The following SORBS2 variants were observed in gnomAD, a reference collection of about 807,000 sequenced individuals.
The protein encoded by SORBS2 is sorbin and SH3 domain containing 2, also known as sorbin and SH3 domain-containing protein 2.
Under a neutral mutation model 97.7 loss-of-function variants are expected in SORBS2, and 46 were observed. The ratio of observed to expected loss-of-function variants is 0.47; its 90% CI spans 0.37 to 0.60. The LOEUF is 0.60. SORBS2 is among the 20% of genes least tolerant of loss of function. The pLI is 0.00. For missense variants in SORBS2, 1,316 were observed against 1,282.3 expected (o/e 1.03, Z -0.40); for synonymous variants, 476 against 473.4 (o/e 1.01, Z -0.07).
At chr4:185,862,764 C>T (rs2648121) in intron 1 of SORBS2, among the ~76,000 whole-genome samples, 112,094 of 152,176 alleles carry the variant, frequency 0.74, 41,500 homozygotes, top group African/African-American at 0.81. Flanking sequence ...TCTTCCTCTG[C>T]CCTTCAACCT....
intron 1 of SORBS2, among the ~76,000 whole-genome samples, chr4:185,830,994 T>G (rs73017895): frequency 1.3e-5 from 2 of 152,194 alleles, no homozygotes; most frequent in Non-Finnish European, 2.9e-5. Context: ...CTGCTCTTTA[T>G]AACTCTTCCT....
chr4:185,661,997 T>C (rs1042143772), intron 5 of SORBS2, 107 bp downstream of exon 8: 16 of 1,247,816 alleles, frequency 1.3e-5, no homozygotes, highest in Admixed American at 1.0e-4. Flanking sequence ...GATAGGGTCA[T>C]GAGTGCTGAG....
chr4:185,603,137 G>A (rs2096306797), intron 12 of SORBS2, among the ~76,000 whole-genome samples: 1 of 152,082 alleles, frequency 6.6e-6, no homozygotes, highest in Non-Finnish European at 1.5e-5. Flanking sequence ...TTAAATCCTG[G>A]CTTTGTCCTG....
intron 2 of SORBS2, among the ~76,000 whole-genome samples, chr4:185,651,215 C>T (rs922887972): frequency 6.6e-6 from 1 of 152,134 alleles, no homozygotes; most frequent in Admixed American, 6.5e-5. Flanking sequence ...GCCTGCAGAC[C>T]CCTGCACGAG....
intron 4 of SORBS2, among the ~76,000 whole-genome samples, chr4:185,664,252 T>C (rs534978314): frequency 6.6e-6 from 1 of 152,300 alleles, no homozygotes; most frequent in East Asian, 1.9e-4. Context: ...AGTGAATTCA[T>C]TATTAGGAAA....
At chr4:185,763,601 T>C (rs1046589404) in intron 2 of SORBS2, among the ~76,000 whole-genome samples, 1 of 152,258 alleles carries the variant, frequency 6.6e-6, no homozygotes, top group African/African-American at 2.4e-5. Flanking sequence ...ATCTGTCTTA[T>C]GTCAATTTAA....
chr4:185,642,538 T>C (rs1045075076), intron 4 of SORBS2, among the ~76,000 whole-genome samples: 14 of 152,198 alleles, frequency 9.2e-5, no homozygotes, highest in African/African-American at 3.4e-4. Flanking sequence ...GAAATACGGT[T>C]CTGATTTGTG....
At chr4:185,598,091 A>C (rs1373430504) in intron 12 of SORBS2, among the ~76,000 whole-genome samples, 3 of 152,158 alleles carry the variant, frequency 2.0e-5, no homozygotes, top group Non-Finnish European at 4.4e-5. Flanking sequence ...AACAATATAC[A>C]CTTGTGACAT....
Position 185,587,336 on chromosome 4 carries a change from AC to A in SORBS2, c.*290del, listed in dbSNP as rs376263897. On this transcript the variant is annotated 3_prime_UTR_variant, in exon 15 of 15. Transcript: ENST00000418609. Reference sequence around the variant, plus strand: ...TTTTTTTTTTTGCCTCAAATATTTGACCATTTTTAAATATCATGATTTTTTT... The same window carrying A: ...TTTTTTTTTTTGCCTCAAATATTTGACATTTTTAAATATCATGATTTTTTT... 509 of 259,158 alleles carry A rather than the reference AC, an allele frequency of 2.0e-3. 3 individuals are homozygous for A. Among genetic ancestry groups the A allele is most frequent in the African/African-American group, 0.012 (484 of 40,918 alleles). The allele number at this position is 259,158 out of a possible 1,614,324, so 16.1% of individuals were successfully genotyped here.
chr4:185,748,909 G>A (rs1282630507), intron 2 of SORBS2, among the ~76,000 whole-genome samples: 7 of 152,320 alleles, frequency 4.6e-5, no homozygotes, highest in Middle Eastern at 3.4e-3. Context: ...CTGAGAATGA[G>A]GGGCCCCATT....
chr4:185,922,967 T>A (rs1266637238), intron 1 of SORBS2, among the ~76,000 whole-genome samples: 2 of 152,238 alleles, frequency 1.3e-5, no homozygotes, highest in Non-Finnish European at 2.9e-5. Flanking sequence ...TCAAGTTAGA[T>A]ACAAACCCTG....
Position 185,666,044 on chromosome 4 carries a change from G to A in SORBS2, c.-45-3802C>T, listed in dbSNP as rs1172623451. On this transcript the variant is annotated intron_variant, in intron 4 of 20. Transcript: ENST00000284776. Reference sequence around the variant, plus strand: ...GACCCCACACCATCGGGGGGCGGAAGGCTGAGTGATGCTGAGCTGGTGCCA... The same window carrying A: ...GACCCCACACCATCGGGGGGCGGAAAGCTGAGTGATGCTGAGCTGGTGCCA... 2.3e-6 allele frequency: 3 copies of A among 1,289,762 alleles called. No individual in the cohort carries two copies. In the Admixed American group the frequency reaches 6.9e-5, roughly 30 times the overall value. 79.9% of individuals were successfully genotyped at this position (1,289,762 alleles called of 1,614,324 possible).
chr4:185,822,041 TGA>T (rs1216792461), intron 1 of SORBS2, among the ~76,000 whole-genome samples: 1 of 152,252 alleles, frequency 6.6e-6, no homozygotes, highest in African/African-American at 2.4e-5. Flanking sequence ...TGTTATTTTT[TGA>T]GTCTTATTAT....
chr4:185,768,712 C>CAAAAAAAAAAAAAA (rs72088117), intron 2 of SORBS2, among the ~76,000 whole-genome samples: 1 of 116,804 alleles, frequency 8.6e-6, no homozygotes, highest in African/African-American at 3.3e-5. Flanking sequence ...AAAAAAAAAA[C>CAAAAAAAAAAAAAA]AAAAAAACAA....
At chr4:185,712,826 G>A (rs137893823) in intron 2 of SORBS2, among the ~76,000 whole-genome samples, 7 of 152,258 alleles carry the variant, frequency 4.6e-5, no homozygotes, top group African/African-American at 1.4e-4. Flanking sequence ...CACCCCCCTC[G>A]CAAGTGCCGT....
intron 12 of SORBS2, 197 bp from the exon 25 acceptor site, chr4:185,594,132 A>G (rs967284521): frequency 1.8e-6 from 1 of 557,618 alleles, no homozygotes; most frequent in African/African-American, 1.9e-5. Context: ...AATTAAAGCA[A>G]AATAAGCAAG....
intron 2 of SORBS2, among the ~76,000 whole-genome samples, chr4:185,652,350 A>C (rs932642031): frequency 1.3e-5 from 2 of 152,202 alleles, no homozygotes; most frequent in African/African-American, 4.8e-5. Context: ...AGGGGTGGAC[A>C]GAGGAACAAT....
In SORBS2 at chr4:185,923,472, A is replaced by ATTTTTTTTTTTTTTTTTTTTT. The variant is rs535695706; in HGVS notation, c.-338+32723_-338+32724insAAAAAAAAAAAAAAAAAAAAA. Among the ~76,000 whole-genome samples the ATTTTTTTTTTTTTTTTTTTTT allele has an allele frequency of 3.3e-3, 360 of 110,432 alleles. 29 individuals are homozygous for ATTTTTTTTTTTTTTTTTTTTT. Among genetic ancestry groups the ATTTTTTTTTTTTTTTTTTTTT allele is most frequent in the Middle Eastern group, 0.025 (4 of 160 alleles). The allele number at this position is 110,432 out of a possible 152,430, so 72.4% of individuals were successfully genotyped here. ...TGCTTGGCTAAGTTTCTTTTTTTTA[A>ATTTTTTTTTTTTTTTTTTTTT]TTTTTTTTTTTTGTAGAGACAGGAC... On this transcript the variant is annotated intron_variant, in intron 1 of 20. Coordinates refer to the SORBS2 transcript ENST00000284776.
At chr4:185,682,736 T>C (rs2097889629) in intron 2 of SORBS2, among the ~76,000 whole-genome samples, 2 of 151,996 alleles carry the variant, frequency 1.3e-5, no homozygotes, top group African/African-American at 2.4e-5. Flanking sequence ...GGGGGCCAGG[T>C]GTAGTGGCTC....
Sources: gnomAD v4.1 joint callset for allele counts (sites outside exome capture counted in the v4.1 genomes callset) on GRCh38, gnomAD v4.1.1 for gene constraint, MANE v1.5 for transcripts, NCBI Gene and HGNC (gene_info 2026-07-23, HGNC 2026-07-21) for gene names.